Variants in GREB1 observed in about 807,000 individuals in gnomAD.
GREB1 encodes protein GREB1.
A neutral mutation model predicts 200.7 loss-of-function variants in GREB1; 106 were observed. That is an observed-to-expected ratio of 0.53 (90% CI 0.45 to 0.62). The LOEUF is 0.62. Ranked by LOEUF, GREB1 falls within the 20% of genes least tolerant of loss-of-function variation. The pLI, the probability that GREB1 is intolerant of heterozygous loss-of-function variation, is 0.00. For missense variants in GREB1, 2,243 were observed against 2,556.8 expected (o/e 0.88, Z 2.65); for synonymous variants, 1,132 against 1,092.4 (o/e 1.04, Z -0.72).
At chr2:11,556,913 A>T in intron 2 of GREB1, 142 bp downstream of exon 2, 1 of 636,252 alleles carries the variant, frequency 1.6e-6, no homozygotes, top group Non-Finnish European at 2.5e-6. Context: ...AAAACTGGGT[A>T]CAAGTTCTTA....
rs1192133940 is a variant in GREB1, at chr2:11,576,359, C to G, written c.461C>G (p.Ser154Cys). 2 of 1,606,536 alleles carry G rather than the reference C, an allele frequency of 1.2e-6. No homozygotes were observed. The highest frequency in any genetic ancestry group is 2.7e-5 in the African/African-American group (2 of 74,428). Residue 154 changes from serine (S) to cysteine (C), a missense_variant, in exon 5 of 33, where the codon TCT becomes TGT. Ser to Cys is a moderately radical substitution (Grantham distance 112). Coordinates refer to ENST00000381486, the MANE Select transcript of GREB1 (RefSeq NM_014668.4). ...DNGHNALLGF[S>C]GNCVGCGKKG... is the part of the protein sequence containing the mutation. ...GGTTTACTTCCTTCTCCAGGTTTCT[C>G]TGGGAATTGTGTTGGCTGTGGAAAG... is the stretch of plus-strand genomic sequence containing the variant.
Position 11,597,859 on chromosome 2 carries a change from T to C in GREB1, c.2033T>C (p.Ile678Thr), listed in dbSNP as rs1681413484. 1.2e-6 allele frequency: 2 copies of C among 1,614,160 alleles called. No individual in the cohort carries two copies. Among genetic ancestry groups the C allele is most frequent in the Non-Finnish European group, 1.7e-6 (2 of 1,179,994 alleles). ...AQKLLSHVCS[I>T]ADSSTQNLDL... ...AAGCTCCTCTCCCATGTGTGTTCCA[T>C]TGCGGATTCCAGCACCCAAAATCTG... is the stretch of plus-strand genomic sequence containing the variant. Residue 678 changes from isoleucine to threonine, a missense_variant, in exon 14 of 33, where the codon ATT (isoleucine) becomes ACT (threonine). Coordinates refer to ENST00000381486, the MANE Select transcript of GREB1 (RefSeq NM_014668.4). The surrounding 1 kb of genome is among the most constrained non-coding windows in gnomAD (Gnocchi z 4.1).
intron 1 of GREB1, among the ~76,000 whole-genome samples, chr2:11,499,922 T>C (rs536635421): frequency 2.2e-4 from 34 of 152,340 alleles, no homozygotes; most frequent in Middle Eastern, 3.4e-3. Context: ...TTTCTTTATA[T>C]TATAGAATTG....
At chr2:11,587,813 C>CG in intron 9 of GREB1, 1 of 1,067,906 alleles carries the variant, frequency 9.4e-7, no homozygotes, top group Non-Finnish European at 1.1e-6. Flanking sequence ...TTTACAAATG[C>CG]GGAGACTGAG....
At chr2:11,549,023 T>C (rs2147803652) in intron 1 of GREB1, among the ~76,000 whole-genome samples, 1 of 152,314 alleles carries the variant, frequency 6.6e-6, no homozygotes, top group Admixed American at 6.5e-5. Context: ...CTGTTGTTTC[T>C]TTACCTGTTT....
intron 1 of GREB1, among the ~76,000 whole-genome samples, chr2:11,535,828 A>T (rs558468073): frequency 6.6e-6 from 1 of 152,274 alleles, no homozygotes; most frequent in Non-Finnish European, 1.5e-5. Context: ...GTGCCCACTA[A>T]ATCTCTGAAA....
chr2:11,628,473 G>A (rs1286849040), intron 25 of GREB1, among the ~76,000 whole-genome samples: 1 of 152,122 alleles, frequency 6.6e-6, no homozygotes, highest in East Asian at 1.9e-4. Flanking sequence ...CCTTGAGCTT[G>A]GCTGCCGGGG....
rs148680299 is a variant in GREB1, at chr2:11,544,907, C to T, written c.-162+10653C>T. On this transcript the variant is annotated intron_variant, in intron 1 of 32. Transcript: ENST00000381486. ...TCAGCTCACTGCAACCTCTGCCTCCCGGGGTCAAACGATTCTTGTGCCTCA... is the reference window on the plus strand; with the variant it reads ...TCAGCTCACTGCAACCTCTGCCTCCTGGGGTCAAACGATTCTTGTGCCTCA... 4.0e-3 allele frequency among the ~76,000 whole-genome samples: 612 copies of T among 152,256 alleles called. 6 individuals carry two copies. Among genetic ancestry groups the T allele is most frequent in the African/African-American group, 0.014 (582 of 41,538 alleles).
At chr2:11,628,529 G>A (rs1018928707) in intron 25 of GREB1, among the ~76,000 whole-genome samples, 1 of 152,210 alleles carries the variant, frequency 6.6e-6, no homozygotes, top group African/African-American at 2.4e-5. Flanking sequence ...GTAGATGAAA[G>A]AAAGAACATA....
At chr2:11,625,444 G>T in intron 24 of GREB1, 132 bp downstream of exon 24, 1 of 795,510 alleles carries the variant, frequency 1.3e-6, no homozygotes, top group Non-Finnish European at 2.1e-6. Context: ...ACAGAACTGA[G>T]GTCACCACCT....
chr2:11,485,094 TG>T (rs1457965805), intron 1 of GREB1, among the ~76,000 whole-genome samples: 1 of 152,206 alleles, frequency 6.6e-6, no homozygotes, highest in Non-Finnish European at 1.5e-5. Context: ...CCCAGAGTGC[TG>T]GGATTACAGG....
At position 11,626,835 on chromosome 2, in the gene GREB1, G is replaced by C. The variant is rs966438273; in HGVS notation, c.4307-127G>C. 7.5e-6 allele frequency: 7 copies of C among 933,676 alleles called. No individual in the cohort carries two copies. The African/African-American group carries it at 9.7e-5, about 13-fold the overall frequency. The allele number at this position is 933,676 out of a possible 1,614,324, so 57.8% of individuals were successfully genotyped here. On this transcript the variant is annotated intron_variant, in intron 24 of 32. Transcript: ENST00000381486. ...TCAGGGCCCAGGGAGGTGAGAGGCAGTCCTCCCCAACCAGACAGAATCCTG... is the reference window on the plus strand; with the variant it reads ...TCAGGGCCCAGGGAGGTGAGAGGCACTCCTCCCCAACCAGACAGAATCCTG...
intron 1 of GREB1, among the ~76,000 whole-genome samples, chr2:11,526,607 G>C (rs185081676): frequency 1.7e-3 from 258 of 150,420 alleles, no homozygotes; most frequent in African/African-American, 6.0e-3. Flanking sequence ...CCAGGCTGGA[G>C]TGCAGTGCCG....
intron 1 of GREB1, among the ~76,000 whole-genome samples, chr2:11,525,874 T>C (rs1673856292): frequency 6.6e-6 from 1 of 152,206 alleles, no homozygotes; most frequent in South Asian, 2.1e-4. Flanking sequence ...GCTTTCCCCA[T>C]GCTCTGCCGT....
At chr2:11,637,041 TAGGGACAGAGGCAGGGGC>T (rs1558676198) in intron 30 of GREB1, among the ~76,000 whole-genome samples, 1 of 15,650 alleles carries the variant, frequency 6.4e-5, no homozygotes. Context: ...TGGGCAGAGG[TAGGGACAGAGGCAGGGGC>T]AGGGACAGAG....
intron 11 of GREB1, 117 bp downstream of exon 11, chr2:11,593,243 CACCTGCGGTTTGTGCTCAGTAGCT>C (rs1188920497): frequency 2.5e-5 from 17 of 675,748 alleles, no homozygotes; most frequent in Non-Finnish European, 3.4e-5. Flanking sequence ...CAGCAGTTAG[CACCTGCGGTTTGTGCTCAGTAGCT>C]GGCTTCAGAA....
rs761786002 is a variant in GREB1, at chr2:11,615,255, G to T, written c.3287G>T (p.Ser1096Ile). ...GAGAGTGATGCTGAGAAGCTGAGCA[G>T]CACAGACAACGAGGATGAGGAGCTG... is the stretch of plus-strand genomic sequence containing the variant. Reference protein sequence around the residue: ...ALESDAEKLSSTDNEDEELGT... With the variant: ...ALESDAEKLSITDNEDEELGT... Residue 1096 changes from serine (S) to isoleucine (I), a missense_variant, in exon 20 of 33, where the codon AGC becomes ATC. This residue lies in a region of GREB1 where 587 missense variants were observed against 553.1 expected (regional missense o/e 1.06). Coordinates refer to ENST00000381486, the MANE Select transcript of GREB1 (RefSeq NM_014668.4). 3 of 1,607,070 alleles carry T rather than the reference G, an allele frequency of 1.9e-6. No homozygotes were observed. The highest frequency in any genetic ancestry group is 1.1e-5 in the South Asian group (1 of 89,968).
chr2:11,573,823 G>A lies in GREB1; in HGVS notation c.455-2530G>A, dbSNP rs1168370120. Reference sequence around the variant, plus strand: ...CCATCCCAGCGGAGGAGATGGAGACGGCCTCTGCAGCACAGCGACGGTCCC... The same window carrying A: ...CCATCCCAGCGGAGGAGATGGAGACAGCCTCTGCAGCACAGCGACGGTCCC... On this transcript the variant is annotated intron_variant, in intron 4 of 32. Transcript: ENST00000381486. Among the ~76,000 whole-genome samples the A allele has an allele frequency of 3.3e-5, 5 of 152,314 alleles. No homozygotes were observed. The South Asian group carries it at 6.2e-4, about 19-fold the overall frequency.
intron 22 of GREB1, among the ~76,000 whole-genome samples, chr2:11,620,000 C>T (rs1205360430): frequency 2.0e-5 from 3 of 152,142 alleles, no homozygotes; most frequent in African/African-American, 7.2e-5. Flanking sequence ...ATTTTTCAGA[C>T]GGAGTCTCGC....
Sources: gnomAD v4.1 joint callset for allele counts (sites outside exome capture counted in the v4.1 genomes callset) on GRCh38, gnomAD v4.1.1 for gene constraint, gnomAD v4.1.1 regional missense constraint, Gnocchi (gnomAD v3.1) non-coding constraint, MANE v1.5 for transcripts, NCBI Gene and HGNC (gene_info 2026-07-23, HGNC 2026-07-21) for gene names.